Variants in ASCC1 observed in about 807,000 individuals in gnomAD.
The protein encoded by ASCC1 is ASC-1 complex subunit P50.
ASCC1 carries 35 observed loss-of-function variants against 46.6 expected under a neutral mutation model. The observed-to-expected ratio is 0.75, with a 90% confidence interval of 0.57 to 0.99. The LOEUF (loss-of-function observed/expected upper bound fraction) is 0.99, where lower values mean the gene tolerates loss of function less well. ASCC1 is among the 50% of genes least tolerant of loss of function. ASCC1 has a pLI of 0.00. For synonymous variants in ASCC1, 143 were observed against 146.6 expected, an observed-to-expected ratio of 0.98 and a Z score of 0.18; for missense variants, 376 against 428.7, an observed-to-expected ratio of 0.88 and a Z score of 1.09.
At chr10:72,157,105 C>T (rs955402725) in intron 6 of ASCC1, among the ~76,000 whole-genome samples, 1 of 152,142 alleles carries the variant, frequency 6.6e-6, no homozygotes, top group African/African-American at 2.4e-5. Flanking sequence ...CTGCGCCCGG[C>T]CCAGATACTT....
chr10:72,216,307 C>G (rs1397479603), upstream of ASCC1: 1 of 159,972 alleles, frequency 6.3e-6, no homozygotes, highest in African/African-American at 2.4e-5. Context: ...TGACCGAGTG[C>G]GCATGCGGGC....
At chr10:72,192,410 G>C (rs115671463) in intron 5 of ASCC1, among the ~76,000 whole-genome samples, 1 of 148,780 alleles carries the variant, frequency 6.7e-6, no homozygotes, top group South Asian at 2.1e-4. Flanking sequence ...AGCCAAGATC[G>C]AGCCATAGAA....
chr10:72,126,467 G>A (rs941719422), intron 9 of ASCC1, among the ~76,000 whole-genome samples: 2 of 152,190 alleles, frequency 1.3e-5, no homozygotes, highest in African/African-American at 4.8e-5. Flanking sequence ...TTTCCAGAAT[G>A]AGAGAAATTC....
intron 2 of ASCC1, among the ~76,000 whole-genome samples, chr10:72,211,739 C>T (rs1228311325): frequency 1.3e-5 from 2 of 151,278 alleles, no homozygotes; most frequent in Admixed American, 6.6e-5. Context: ...TGGAGAATGG[C>T]GTGAATCCGG....
intron 1 of ASCC1, chr10:72,215,854 C>G (rs958669421): frequency 6.6e-6 from 1 of 152,380 alleles, no homozygotes; most frequent in Non-Finnish European, 1.5e-5. Context: ...AAGCCGAGGC[C>G]CTGAATCATC....
intron 9 of ASCC1, among the ~76,000 whole-genome samples, chr10:72,120,780 C>T (rs1270466127): frequency 1.3e-5 from 2 of 152,074 alleles, no homozygotes; most frequent in Admixed American, 1.3e-4. Flanking sequence ...GAGTGAAATA[C>T]TGTTGAGAGA....
chr10:72,152,043 G>A (rs1589366389), intron 7 of ASCC1, among the ~76,000 whole-genome samples: 1 of 147,954 alleles, frequency 6.8e-6, no homozygotes, highest in African/African-American at 2.5e-5. Context: ...CCAGGCTGGA[G>A]TGCAGTGGTG....
rs938284687 is a variant in ASCC1 at position 72,210,625 on chromosome 10, A to G, written c.212+107T>C. 3 of 824,054 alleles carry G rather than the reference A, an allele frequency of 3.6e-6. No individual in the cohort carries two copies. In the African/African-American group the frequency reaches 5.0e-5, roughly 14 times the overall value. 51.0% of individuals were successfully genotyped at this position (824,054 alleles called of 1,614,324 possible). On this transcript the variant is annotated intron_variant, in intron 3 of 9. Coordinates refer to ENST00000672957, the MANE Select transcript of ASCC1 (RefSeq NM_001198800.3). ...TCAGGACATAACACTACACTATTTT[A>G]TCATTAGTAATCAAGCACTGCAATA...
chr10:72,190,580 A>C (rs923660009), intron 5 of ASCC1: 4 of 1,319,100 alleles, frequency 3.0e-6, no homozygotes, highest in Admixed American at 4.4e-5. Flanking sequence ...TCGCTAATAT[A>C]AGTAAAGTTT....
At chr10:72,103,427 C>T (rs1055114141) in intron 9 of ASCC1, among the ~76,000 whole-genome samples, 6 of 152,078 alleles carry the variant, frequency 3.9e-5, no homozygotes, top group African/African-American at 1.5e-4. Flanking sequence ...CCACCGCGCC[C>T]GGCCAATAGA....
chr10:72,155,380 A>G (rs1397944310), intron 6 of ASCC1, among the ~76,000 whole-genome samples: 2 of 152,242 alleles, frequency 1.3e-5, no homozygotes, highest in African/African-American at 2.4e-5. Flanking sequence ...TGTAATAGAA[A>G]TCAGAACAGA....
chr10:72,153,938 T>C (rs566661466), intron 6 of ASCC1, among the ~76,000 whole-genome samples: 2 of 151,832 alleles, frequency 1.3e-5, no homozygotes, highest in South Asian at 4.2e-4. Flanking sequence ...GCCAGGGTGG[T>C]CTTAACTCCA....
At chr10:72,114,623 C>CAAAAAAAAAAAAAAAAAAAAAAAAAAAAA (rs34531262) in intron 9 of ASCC1, among the ~76,000 whole-genome samples, 1 of 94,516 alleles carries the variant, frequency 1.1e-5, no homozygotes, top group Non-Finnish European at 2.2e-5. Flanking sequence ...GACTCCGTCT[C>CAAAAAAAAAAAAAAAAAAAAAAAAAAAAA]AAAAAAAAAA....
At chr10:72,211,424 C>T (rs946535084) in intron 2 of ASCC1, among the ~76,000 whole-genome samples, 3 of 151,944 alleles carry the variant, frequency 2.0e-5, no homozygotes, top group African/African-American at 7.3e-5. Flanking sequence ...GTAAAACCCC[C>T]TCATCTCTAC....
chr10:72,183,669 AAAAAT>A (rs1436047911), intron 5 of ASCC1, among the ~76,000 whole-genome samples: 3 of 152,250 alleles, frequency 2.0e-5, no homozygotes, highest in East Asian at 1.9e-4. Context: ...TTTTTCAATA[AAAAAT>A]AAAATAAAGA....
intron 9 of ASCC1, chr10:72,102,736 A>G: frequency 2.8e-6 from 1 of 353,322 alleles, no homozygotes; most frequent in Non-Finnish European, 5.5e-6. Context: ...ACACTTTGGG[A>G]GGCTAAGGCA....
Position 72,161,679 on chromosome 10 carries a change from T to TA in ASCC1, c.490-6dup. On this transcript the variant is annotated splice_polypyrimidine_tract_variant and splice_region_variant and intron_variant, in intron 5 of 9. Transcript: ENST00000672957. Reference sequence around the variant, plus strand: ...GCTGCTGTCAACCCCATGATCCTGTTATCAAAGAGAGAAAAACAAGAAACT... The same window carrying TA: ...GCTGCTGTCAACCCCATGATCCTGTTAATCAAAGAGAGAAAAACAAGAAACT... 1 of 1,614,100 alleles carries TA rather than the reference T, an allele frequency of 6.2e-7. No individual in the cohort carries two copies. Among genetic ancestry groups the TA allele is most frequent in the Non-Finnish European group, 8.5e-7 (1 of 1,180,024 alleles).
At chr10:72,186,576 G>A in intron 5 of ASCC1, among the ~76,000 whole-genome samples, 1 of 152,138 alleles carries the variant, frequency 6.6e-6, no homozygotes. Flanking sequence ...TAAATGCAGA[G>A]TACTACTGGA....
At chr10:72,180,899 T>A (rs1852496086) in intron 5 of ASCC1, 1 of 193,894 alleles carries the variant, frequency 5.2e-6, no homozygotes. Flanking sequence ...TTCCCTGTTC[T>A]GTTAACGAAA....
Sources: allele counts gnomAD v4.1 joint callset (sites outside exome capture counted in the v4.1 genomes callset), GRCh38; gene constraint gnomAD v4.1.1; transcripts MANE v1.5; gene names NCBI Gene and HGNC (gene_info 2026-07-23, HGNC 2026-07-21).